PTPRN2: variants seen among roughly 807,000 people sequenced by gnomAD.
PTPRN2 encodes the protein receptor-type tyrosine-protein phosphatase N2.
Under a neutral mutation model 118.8 loss-of-function variants are expected in PTPRN2, and 74 were observed. That is an observed-to-expected ratio of 0.62 (90% confidence interval 0.52 to 0.76). The LOEUF (loss-of-function observed/expected upper bound fraction) is 0.76. PTPRN2 is among the 30% of genes least tolerant of loss of function. PTPRN2 has a pLI of 0.00. For synonymous variants in PTPRN2, 641 were observed against 608.0 expected (o/e 1.05, Z -0.80); for missense variants, 1,481 against 1,394.4 (o/e 1.06, Z -0.99).
intron 3 of PTPRN2, among the ~76,000 whole-genome samples, chr7:158,291,585 C>T (rs916205542): frequency 1.3e-5 from 2 of 152,140 alleles, no homozygotes; most frequent in Admixed American, 1.3e-4. Context: ...AGTTCTGTGG[C>T]AAGAAACAAC....
intron 12 of PTPRN2, among the ~76,000 whole-genome samples, chr7:157,756,779 CAGG>C (rs1300691461): frequency 6.9e-6 from 1 of 145,972 alleles, no homozygotes; most frequent in East Asian, 2.0e-4. Context: ...GTGACTATGT[CAGG>C]AGAAGGGAGG....
chr7:158,156,735 T>G (rs758724306), intron 6 of PTPRN2, among the ~76,000 whole-genome samples: 3 of 152,236 alleles, frequency 2.0e-5, no homozygotes, highest in Non-Finnish European at 4.4e-5. Context: ...CCCCAGTGCC[T>G]TCCCTACACC....
intron 14 of PTPRN2, among the ~76,000 whole-genome samples, chr7:157,646,920 G>T (rs1341997035): frequency 6.7e-6 from 1 of 149,106 alleles, no homozygotes; most frequent in African/African-American, 2.6e-5. Context: ...AGTGTGCACT[G>T]AACTCGGTGG....
chr7:158,420,705 T>C (rs1815177241), intron 2 of PTPRN2, among the ~76,000 whole-genome samples: 1 of 152,180 alleles, frequency 6.6e-6, no homozygotes, highest in Non-Finnish European at 1.5e-5. Flanking sequence ...TCCCAGAAGA[T>C]ACTCCCCATC....
intron 12 of PTPRN2, among the ~76,000 whole-genome samples, chr7:157,824,131 C>A (rs541243764): frequency 7.2e-5 from 11 of 152,140 alleles, no homozygotes; most frequent in Non-Finnish European, 1.2e-4. Context: ...GAGCTCAGAC[C>A]GTCAGTGGGG....
chr7:158,108,233 A>G (rs1815846490), intron 10 of PTPRN2, among the ~76,000 whole-genome samples: 2 of 148,234 alleles, frequency 1.3e-5, no homozygotes, highest in South Asian at 4.4e-4. Context: ...CAGCCCACTC[A>G]CCCACTATAG....
intron 12 of PTPRN2, among the ~76,000 whole-genome samples, chr7:157,757,179 G>T (rs370329034): frequency 1.3e-5 from 2 of 151,446 alleles, no homozygotes; most frequent in African/African-American, 4.9e-5. Context: ...TGCAGCTGAG[G>T]CTGCACCGTG....
chr7:157,695,731 G>C (rs1797734231), intron 12 of PTPRN2, among the ~76,000 whole-genome samples: 1 of 152,204 alleles, frequency 6.6e-6, no homozygotes, highest in Non-Finnish European at 1.5e-5. Context: ...GACAATATTT[G>C]GAAGAGCATC....
chr7:158,523,746 GCCCTGGAGTGGAGTCGTCTA>G (rs1563393523), intron 1 of PTPRN2, among the ~76,000 whole-genome samples: 2 of 61,242 alleles, frequency 3.3e-5, no homozygotes, highest in Non-Finnish European at 5.9e-5. Context: ...GGAGTCGTCT[GCCCTGGAGTGGAGTCGTCTA>G]CCCTGGAGTG....
chr7:157,879,995 T>G (rs1185060564), intron 12 of PTPRN2, among the ~76,000 whole-genome samples: 15 of 152,230 alleles, frequency 9.9e-5, no homozygotes, highest in Non-Finnish European at 2.1e-4. Flanking sequence ...TTATGAAAAT[T>G]TGGGCAACAT....
chr7:157,656,845 C>A (rs1341756195), intron 13 of PTPRN2, among the ~76,000 whole-genome samples: 2 of 99,468 alleles, frequency 2.0e-5, no homozygotes, highest in Non-Finnish European at 4.3e-5. Context: ...ACACACACAC[C>A]ACACACACAC....
intron 6 of PTPRN2, among the ~76,000 whole-genome samples, chr7:158,144,072 G>T (rs1819649625): frequency 6.6e-6 from 1 of 152,218 alleles, no homozygotes; most frequent in Non-Finnish European, 1.5e-5. Flanking sequence ...CCGTTCTTCT[G>T]CAAGGCCCTG....
At chr7:157,770,863 G>T (rs1802760207) in intron 12 of PTPRN2, among the ~76,000 whole-genome samples, 1 of 152,222 alleles carries the variant, frequency 6.6e-6, no homozygotes, top group Non-Finnish European at 1.5e-5. Flanking sequence ...GAGTGTGGGG[G>T]CTGTGGGCCC....
At chr7:158,192,132 G>A (rs1825814006) in intron 5 of PTPRN2, among the ~76,000 whole-genome samples, 195 bp downstream of exon 5, 1 of 152,184 alleles carries the variant, frequency 6.6e-6, no homozygotes, top group African/African-American at 2.4e-5. Context: ...CTAAGCATTT[G>A]TGGGGGTGGC....
intron 12 of PTPRN2, among the ~76,000 whole-genome samples, chr7:157,706,401 C>T (rs796419559): frequency 6.0e-5 from 9 of 149,962 alleles, no homozygotes; most frequent in African/African-American, 2.2e-4. Context: ...GGGAACTGGG[C>T]GAATGTGACC....
At chr7:158,306,873 T>TGG (rs1801339474) in intron 3 of PTPRN2, among the ~76,000 whole-genome samples, 3 of 146,402 alleles carry the variant, frequency 2.0e-5, no homozygotes, top group Non-Finnish European at 3.0e-5. Flanking sequence ...TTTTTTTTTT[T>TGG]TTTTTTTTTT....
At chr7:157,743,331 C>A (rs879425491) in intron 12 of PTPRN2, among the ~76,000 whole-genome samples, 1 of 152,128 alleles carries the variant, frequency 6.6e-6, no homozygotes, top group Non-Finnish European at 1.5e-5. Flanking sequence ...ATCCTCCTGG[C>A]TAAGCTGTGG....
At chr7:157,623,722 G>A (rs1470251385) in intron 14 of PTPRN2, among the ~76,000 whole-genome samples, 1 of 152,178 alleles carries the variant, frequency 6.6e-6, no homozygotes, top group Non-Finnish European at 1.5e-5. Context: ...ATACTGACGC[G>A]ATGTTTTTTC....
intron 2 of PTPRN2, among the ~76,000 whole-genome samples, chr7:158,364,439 C>T (rs1171622240): frequency 2.0e-5 from 3 of 152,154 alleles, no homozygotes; most frequent in Non-Finnish European, 2.9e-5. Context: ...GAGCCCCCAT[C>T]CTCACTTCGT....
Sources: allele counts gnomAD v4.1 joint callset (sites outside exome capture counted in the v4.1 genomes callset), GRCh38; gene constraint gnomAD v4.1.1; transcripts MANE v1.5; gene names NCBI Gene and HGNC (gene_info 2026-07-23, HGNC 2026-07-21).